Variants in DST observed in about 807,000 individuals in gnomAD.
DST encodes the protein bullous pemphigoid antigen.
In DST, 253 loss-of-function variants were observed where a neutral mutation model predicts 875.2. The observed-to-expected ratio is 0.29, with a 90% CI of 0.26 to 0.32. The LOEUF is 0.32. Ranked by LOEUF, DST falls within the 10% of genes least tolerant of loss-of-function variation. The probability of loss-of-function intolerance (pLI) is 1.00; values close to 1 mark genes in which losing one functional copy is unlikely to be tolerated. For synonymous variants in DST, 3,124 were observed against 3,197.1 expected, an observed-to-expected ratio of 0.98 and a Z score of 0.77; for missense variants, 8,287 against 9,111.6, an observed-to-expected ratio of 0.91 and a Z score of 3.68.
At chr6:56,843,311 G>T in intron 4 of DST, 1 of 1,228,788 alleles carries the variant, frequency 8.1e-7, no homozygotes, top group Non-Finnish European at 1.0e-6. Context: ...GGCGCAGGGG[G>T]CTGCCGGCGC....
Position 56,498,028 on chromosome 6 carries a change from T to C in DST, c.19922A>G (p.His6641Arg). The change falls in exon 81 of 104, where the codon CAT (histidine) becomes CGT (arginine). Residue 6641 changes from histidine to arginine, a missense_variant. His to Arg is a conservative substitution (Grantham distance 29). This residue lies in a region of DST where 1,292 missense variants were observed against 1,552.7 expected (regional missense o/e 0.83). Transcript: ENST00000680361. ...ATTAACGGCTTCCACTGTGGACTGA[T>C]GGGCTAATACATCATTTTGGAGCAC... ...HHVLQNDVLA[H>R]QSTVEAVNKA... 1 of 1,613,360 alleles carries C rather than the reference T, an allele frequency of 6.2e-7. No homozygotes were observed. Among genetic ancestry groups the C allele is most frequent in the East Asian group, 2.2e-5 (1 of 44,878 alleles).
chr6:56,952,247 G>A (rs570490466), intron 2 of DST, among the ~76,000 whole-genome samples: 1 of 152,206 alleles, frequency 6.6e-6, no homozygotes, highest in Admixed American at 6.5e-5. Flanking sequence ...AATTAAACAA[G>A]ACATAGTTGT....
chr6:56,608,107 T>C lies in DST; in HGVS notation c.6521A>G (p.His2174Arg), dbSNP rs780832767. The C allele has an allele frequency of 8.7e-6, 14 of 1,613,764 alleles. No homozygotes were observed. Among genetic ancestry groups the C allele is most frequent in the Middle Eastern group, 1.6e-4 (1 of 6,062 alleles). ...AACATCCTCTTCTTGTCTGTAATCA[T>C]GAACTGTGGAGGGTTGAAATTTACA... ...SFCKFQPSTV[H>R]DYRQEEDVFD... Residue 2174 changes from histidine (H) to arginine (R), a missense_variant, in exon 40 of 104, where the codon CAT becomes CGT. Around this residue, in one of 10 missense-constraint regions of DST, gnomAD observed 3,138 missense variants for 3,116.6 expected, o/e 1.01. Transcript: ENST00000680361.
chr6:56,509,428 G>A (rs976149143), intron 74 of DST, among the ~76,000 whole-genome samples: 4 of 152,168 alleles, frequency 2.6e-5, no homozygotes, highest in Admixed American at 6.5e-5. Flanking sequence ...CATGGTCTAT[G>A]TATAATGGCA....
chr6:56,528,220 A>G (rs555839311), intron 67 of DST, among the ~76,000 whole-genome samples: 2 of 151,938 alleles, frequency 1.3e-5, no homozygotes, highest in African/African-American at 4.8e-5. Flanking sequence ...TGGGCTTCAG[A>G]CTTCTAACTA....
chr6:56,524,064 T>C (rs2096753223), intron 69 of DST, among the ~76,000 whole-genome samples: 1 of 152,170 alleles, frequency 6.6e-6, no homozygotes, highest in Non-Finnish European at 1.5e-5. Flanking sequence ...ATTTCATGGA[T>C]GTAGTTATTG....
chr6:56,620,318 C>A (rs147516378), intron 36 of DST: 4 of 1,614,082 alleles, frequency 2.5e-6, no homozygotes, highest in Non-Finnish European at 2.5e-6. Flanking sequence ...CAACTGATTG[C>A]GAAAATTCAG....
chr6:56,477,223 C>A (rs762866186), intron 91 of DST, 122 bp downstream of exon 91: 7 of 1,072,774 alleles, frequency 6.5e-6, no homozygotes, highest in Non-Finnish European at 9.0e-6. Flanking sequence ...TTTAAAAGAA[C>A]GTTTTCTATG....
chr6:56,721,245 T>C (rs538252159), intron 5 of DST, among the ~76,000 whole-genome samples: 4 of 152,276 alleles, frequency 2.6e-5, no homozygotes, highest in African/African-American at 9.6e-5. Context: ...ATCCTGTTCT[T>C]TTTTCAACAT....
At chr6:56,469,766 T>G in intron 97 of DST, 117 bp downstream of exon 97, 1 of 845,038 alleles carries the variant, frequency 1.2e-6, no homozygotes, top group Non-Finnish European at 1.9e-6. Flanking sequence ...CATTAAATTT[T>G]GACATGAGGT....
intron 85 of DST, among the ~76,000 whole-genome samples, chr6:56,490,621 A>G (rs1368013971): frequency 6.6e-6 from 1 of 152,172 alleles, no homozygotes; most frequent in East Asian, 1.9e-4. Context: ...GAAAAATGGA[A>G]ACTAGAATAG....
At chr6:56,948,698 GGAAGGCTTCTCTAACCACTTGAGCTA>G (rs1436843652) in intron 2 of DST, among the ~76,000 whole-genome samples, 4 of 152,102 alleles carry the variant, frequency 2.6e-5, no homozygotes, top group Non-Finnish European at 5.9e-5. Flanking sequence ...CACTCCTCTT[GGAAGGCTTCTCTAACCACTTGAGCTA>G]GAAGCAACCA....
In DST at chr6:56,501,711, T is replaced by C. The variant is rs762038263; in HGVS notation, c.19567-18A>G. Reference sequence around the variant, plus strand: ...TTAAATTGCTATTTTAAAAGAGATATACAAAGAAAATATTGTTAAAAATCA... The same window carrying C: ...TTAAATTGCTATTTTAAAAGAGATACACAAAGAAAATATTGTTAAAAATCA... On this transcript the variant is annotated intron_variant, in intron 78 of 103. Coordinates refer to ENST00000680361, the MANE Select transcript of DST (RefSeq NM_001374736.1). 3.3e-6 allele frequency: 5 copies of C among 1,537,114 alleles called. No individual in the cohort carries two copies. Among genetic ancestry groups the C allele is most frequent in the Non-Finnish European group, 4.4e-6 (5 of 1,142,028 alleles).
intron 3 of DST, among the ~76,000 whole-genome samples, chr6:56,881,056 A>G: frequency 6.6e-6 from 1 of 151,594 alleles, no homozygotes; most frequent in East Asian, 2.0e-4. Flanking sequence ...TCACCGTGTT[A>G]GCCAGGATGG....
rs554401272 is a variant in DST at position 56,710,450 on chromosome 6, GAGA to G, written c.688-6084_688-6082del. ...CACTGGCTTATACTAACTGGGTGAC[GAGA>G]AGAAGGATAGTTTGCTTTAGTGAAA... On this transcript the variant is annotated intron_variant, in intron 5 of 103. Transcript: ENST00000680361. 2.1e-3 allele frequency among the ~76,000 whole-genome samples: 327 copies of G among 152,302 alleles called. 1 individual carries two copies. The highest frequency in any genetic ancestry group is 3.6e-3 in the Non-Finnish European group (244 of 68,030).
At chr6:56,942,365 T>C (rs1437100454) in intron 2 of DST, among the ~76,000 whole-genome samples, 1 of 152,148 alleles carries the variant, frequency 6.6e-6, no homozygotes, top group Non-Finnish European at 1.5e-5. Flanking sequence ...ATTATTTATT[T>C]TCAATCTGTC....
intron 2 of DST, among the ~76,000 whole-genome samples, chr6:56,930,991 A>G (rs896755285): frequency 3.9e-5 from 6 of 152,222 alleles, no homozygotes; most frequent in Admixed American, 3.9e-4. Flanking sequence ...TCAATCACTT[A>G]TATTGTGGAA....
At position 56,536,818 on chromosome 6, in the gene DST, C is replaced by G; in HGVS notation, c.16731G>C (p.Leu5577=). 1 of 1,602,362 alleles carries G rather than the reference C, an allele frequency of 6.2e-7. No individual in the cohort carries two copies. The highest frequency in any genetic ancestry group is 8.5e-7 in the Non-Finnish European group (1 of 1,174,260). Reference sequence around the variant, plus strand: ...TCTTCCACCGTGCATTGACATCATCCAGGTCATGCTCCAAGCCCTGAGTGC... The same window carrying G: ...TCTTCCACCGTGCATTGACATCATCGAGGTCATGCTCCAAGCCCTGAGTGC... ...STSTQGLEHD[L]DDVNARWKTL... Residue 5577 remains leucine (L), a synonymous_variant, in exon 62 of 104, where the codon CTG becomes CTC. Transcript: ENST00000680361.
intron 9 of DST, among the ~76,000 whole-genome samples, chr6:56,673,276 A>AC (rs1446991051): frequency 6.6e-6 from 1 of 152,162 alleles, no homozygotes; most frequent in African/African-American, 2.4e-5. Flanking sequence ...ACAAAACAAA[A>AC]AAAGAAATAA....
Sources: allele counts gnomAD v4.1 joint callset (sites outside exome capture counted in the v4.1 genomes callset), GRCh38; gene constraint gnomAD v4.1.1; regional missense constraint gnomAD v4.1.1; transcripts MANE v1.5; gene names NCBI Gene and HGNC (gene_info 2026-07-23, HGNC 2026-07-21).